Variants in CNTN5 observed in about 807,000 individuals in gnomAD.
CNTN5 encodes contactin 5.
In CNTN5, 77 loss-of-function variants were observed where a neutral mutation model predicts 129.1. The observed-to-expected ratio is 0.60, with a 90% confidence interval of 0.50 to 0.72. The LOEUF (loss-of-function observed/expected upper bound fraction) is 0.72, where lower values mean the gene tolerates loss of function less well. Ranked by LOEUF, CNTN5 falls within the 30% of genes least tolerant of loss-of-function variation. The pLI, the probability that CNTN5 is intolerant of heterozygous loss-of-function variation, is 0.00. For synonymous variants in CNTN5, 509 were observed against 465.6 expected, an observed-to-expected ratio of 1.09 and a Z score of -1.20; for missense variants, 1,478 against 1,328.8, an observed-to-expected ratio of 1.11 and a Z score of -1.75.
In CNTN5 at chr11:100,214,339, C is replaced by T. The variant is rs79099292; in HGVS notation, c.1885-10353C>T. The stretch of plus-strand genomic sequence containing the variant: ...CCCTGAAGGGTAGGGGCATTAGGAG[C>T]AAAATGGAGCTAGTCGTGCTAGGCC... On this transcript the variant is annotated intron_variant, in intron 15 of 24. Coordinates refer to ENST00000524871, the MANE Select transcript of CNTN5 (RefSeq NM_014361.4). Among the ~76,000 whole-genome samples, 534 of 152,218 alleles carry T rather than the reference C, an allele frequency of 3.5e-3. 8 individuals are homozygous for T. In the East Asian group the frequency reaches 0.043, roughly 12 times the overall value.
rs571258082 is a variant in CNTN5 at position 100,023,326 on chromosome 11, T to C, written c.980+21190T>C. On this transcript the variant is annotated intron_variant, in intron 9 of 24. Coordinates refer to ENST00000524871, the MANE Select transcript of CNTN5 (RefSeq NM_014361.4). The stretch of plus-strand genomic sequence containing the variant: ...TATCAGACAGTGAAATTTTGATTTT[T>C]TCAGGATTTTTTTAAAAAGAACTTT... Among the ~76,000 whole-genome samples, 19 of 152,314 alleles carry C rather than the reference T, an allele frequency of 1.2e-4. No homozygotes were observed. In the East Asian group the frequency reaches 3.7e-3, roughly 29 times the overall value.
intron 3 of CNTN5, among the ~76,000 whole-genome samples, chr11:99,794,350 T>C (rs1488314942): frequency 6.6e-6 from 1 of 152,188 alleles, no homozygotes; most frequent in Non-Finnish European, 1.5e-5. Flanking sequence ...TGAGACAGCA[T>C]ACTATTTGGT....
At chr11:99,978,149 G>A (rs72994834) in intron 8 of CNTN5, among the ~76,000 whole-genome samples, 10,652 of 151,914 alleles carry the variant, frequency 0.07, 403 homozygotes, top group African/African-American at 0.08. Context: ...AATTGCAAAA[G>A]ATAATAAAAA....
rs144146793 is a variant in CNTN5, at chr11:99,079,933, C to G, written c.-210+58663C>G. ...AGCTTTGTAGGAATAAAGAGATTGC[C>G]TTTATTTATATCTGTTTTCTCTTCT... On this transcript the variant is annotated intron_variant, in intron 1 of 24. Transcript: ENST00000524871. Among the ~76,000 whole-genome samples the G allele has an allele frequency of 2.0e-4, 30 of 152,292 alleles. 1 individual carries two copies. Among genetic ancestry groups the G allele is most frequent in the African/African-American group, 7.0e-4 (29 of 41,566 alleles).
intron 1 of CNTN5, among the ~76,000 whole-genome samples, chr11:99,107,958 AAAG>A (rs1867083633): frequency 1.3e-5 from 2 of 150,032 alleles, no homozygotes; most frequent in African/African-American, 2.4e-5. Flanking sequence ...AAAAAAAAAA[AAAG>A]GAAACTAGTG....
chr11:99,413,830 A>G (rs753516791), intron 2 of CNTN5, among the ~76,000 whole-genome samples: 1 of 152,178 alleles, frequency 6.6e-6, no homozygotes. Flanking sequence ...ACCATCTGCA[A>G]GTGAAAAAAA....
chr11:99,841,887 TATATATATA>T (rs1947513774), intron 4 of CNTN5, among the ~76,000 whole-genome samples: 1 of 90,756 alleles, frequency 1.1e-5, no homozygotes, highest in South Asian at 5.1e-4. Flanking sequence ...TACATATACA[TATATATATA>T]TTTTTTTTTT....
At chr11:99,141,606 A>C (rs759639473) in intron 1 of CNTN5, among the ~76,000 whole-genome samples, 47 of 152,006 alleles carry the variant, frequency 3.1e-4, no homozygotes, top group Non-Finnish European at 2.9e-4. Flanking sequence ...TGTTAATTTG[A>C]GATCTTTATA....
At chr11:99,104,071 A>G (rs1384403191) in intron 1 of CNTN5, among the ~76,000 whole-genome samples, 2 of 152,208 alleles carry the variant, frequency 1.3e-5, no homozygotes, top group Non-Finnish European at 2.9e-5. Context: ...TTGATCAGTA[A>G]ATGCATAGAA....
At chr11:100,314,707 C>A (rs1951543108) in intron 21 of CNTN5, among the ~76,000 whole-genome samples, 7 of 152,082 alleles carry the variant, frequency 4.6e-5, no homozygotes, top group Admixed American at 3.9e-4. Flanking sequence ...TCATTAAGGG[C>A]AGTAAAGGCC....
intron 3 of CNTN5, among the ~76,000 whole-genome samples, chr11:99,754,765 C>T (rs1012702818): frequency 2.0e-5 from 3 of 152,256 alleles, no homozygotes; most frequent in African/African-American, 7.2e-5. Context: ...TTGACACATA[C>T]TTATTACCCC....
chr11:99,371,242 T>C (rs1314294523), intron 2 of CNTN5, among the ~76,000 whole-genome samples: 1 of 152,082 alleles, frequency 6.6e-6, no homozygotes, highest in Non-Finnish European at 1.5e-5. Context: ...ATATTCAAAT[T>C]ATATCCATTT....
intron 1 of CNTN5, among the ~76,000 whole-genome samples, chr11:99,098,508 C>T (rs1396351792): frequency 6.6e-6 from 1 of 151,990 alleles, no homozygotes; most frequent in African/African-American, 2.4e-5. Flanking sequence ...GGGACAACTG[C>T]ATGAAAAGAG....
intron 9 of CNTN5, among the ~76,000 whole-genome samples, chr11:100,048,189 C>A (rs1942787675): frequency 1.3e-5 from 2 of 152,098 alleles, no homozygotes; most frequent in Non-Finnish European, 2.9e-5. Flanking sequence ...GGACATCCGT[C>A]TTCTCCTACC....
intron 18 of CNTN5, among the ~76,000 whole-genome samples, chr11:100,292,628 T>C (rs1179822264): frequency 1.3e-5 from 2 of 151,958 alleles, no homozygotes; most frequent in Admixed American, 1.3e-4. Flanking sequence ...GATGAAGAAA[T>C]AATATCCCCA....
At chr11:99,752,359 C>G (rs922676681) in intron 3 of CNTN5, among the ~76,000 whole-genome samples, 3 of 152,096 alleles carry the variant, frequency 2.0e-5, no homozygotes, top group African/African-American at 7.2e-5. Context: ...AAATTGCTAG[C>G]TAAAATGTCA....
In CNTN5 at chr11:99,535,257, ATAG is replaced by A. The variant is rs148001817; in HGVS notation, c.-70-20884_-70-20882del. Among the ~76,000 whole-genome samples, 1,505 of 152,294 alleles carry A rather than the reference ATAG, an allele frequency of 9.9e-3. 33 individuals are homozygous for A. The highest frequency in any genetic ancestry group is 0.092 in the East Asian group (475 of 5,180). On this transcript the variant is annotated intron_variant, in intron 2 of 24. Coordinates refer to ENST00000524871, the MANE Select transcript of CNTN5 (RefSeq NM_014361.4). ...TCAGGCAAAAATATGATGATAGCTA[ATAG>A]TAGGCTATTACTGTAGCAATGGAAT...
chr11:100,237,116 G>A (rs1949633380), intron 16 of CNTN5, among the ~76,000 whole-genome samples: 1 of 149,974 alleles, frequency 6.7e-6, no homozygotes. Flanking sequence ...GTGAACCCGG[G>A]AGGCAGAGCT....
At chr11:100,145,319 G>A (rs2138276230) in intron 13 of CNTN5, among the ~76,000 whole-genome samples, 1 of 152,178 alleles carries the variant, frequency 6.6e-6, no homozygotes, top group East Asian at 1.9e-4. Flanking sequence ...AATTATATAT[G>A]TCTTTATTGA....
Sources: gnomAD v4.1 joint callset for allele counts (sites outside exome capture counted in the v4.1 genomes callset) on GRCh38, gnomAD v4.1.1 for gene constraint, MANE v1.5 for transcripts, NCBI Gene and HGNC (gene_info 2026-07-23, HGNC 2026-07-21) for gene names.